HYCC2: variants seen among roughly 807,000 people sequenced by gnomAD.
HYCC2 encodes the protein hyccin PI4KA lipid kinase complex subunit 2.
the HYCC2 span, among the ~76,000 whole-genome samples, chr2:201,042,486 G>A: frequency 4.6e-5 from 7 of 150,872 alleles, no homozygotes; most frequent in African/African-American, 9.8e-5. Flanking sequence ...CCTCTGCCCC[G>A]CCGCGACCCC....
chr2:200,992,715 G>A, the HYCC2 span, among the ~76,000 whole-genome samples: 4 of 152,212 alleles, frequency 2.6e-5, no homozygotes, highest in South Asian at 4.1e-4. Context: ...GACTAGTTAT[G>A]TTATATTTTG....
chr2:201,007,763 T>A, the HYCC2 span, among the ~76,000 whole-genome samples: 7 of 152,238 alleles, frequency 4.6e-5, no homozygotes, highest in African/African-American at 1.7e-4. Context: ...TCACACTGCA[T>A]CAGTCCACAT....
the HYCC2 span, chr2:200,981,649 C>T: frequency 7.4e-6 from 12 of 1,614,030 alleles, no homozygotes; most frequent in Non-Finnish European, 9.3e-6. The surrounding 1 kb of genome is among the most constrained non-coding windows in gnomAD (Gnocchi z 4.5). Context: ...ATACTGCTTG[C>T]GAACTACTGA....
chr2:201,069,886 T>A, the HYCC2 span, among the ~76,000 whole-genome samples: 4 of 152,198 alleles, frequency 2.6e-5, no homozygotes, highest in Non-Finnish European at 4.4e-5. Context: ...TAGGTTCATA[T>A]ATAGGAATAT....
chr2:201,010,893 T>C, the HYCC2 span, among the ~76,000 whole-genome samples: 2 of 151,990 alleles, frequency 1.3e-5, no homozygotes, highest in Non-Finnish European at 2.9e-5. Flanking sequence ...ATACCTGTAA[T>C]CCCAGCACTT....
chr2:201,066,027 G>A, the HYCC2 span, among the ~76,000 whole-genome samples: 2 of 151,734 alleles, frequency 1.3e-5, no homozygotes, highest in Non-Finnish European at 1.5e-5. Flanking sequence ...GTAAAATACT[G>A]CAAATTCAAA....
the HYCC2 span, chr2:201,062,980 T>C: frequency 5.3e-6 from 7 of 1,326,500 alleles, no homozygotes; most frequent in Non-Finnish European, 7.4e-6. Context: ...TTACTATTAA[T>C]AGCAGCTAAC....
chr2:200,992,995 A>C, the HYCC2 span: 1 of 1,608,610 alleles, frequency 6.2e-7, no homozygotes, highest in East Asian at 2.2e-5. Context: ...AAAGCCACTC[A>C]CACAAACCCT....
the HYCC2 span, chr2:201,022,754 T>C: frequency 1.1e-6 from 1 of 916,102 alleles, no homozygotes; most frequent in Non-Finnish European, 1.6e-6. Flanking sequence ...AAGAAAATTA[T>C]AAAACTTAAA....
At chr2:201,053,071 G>A in the HYCC2 span, among the ~76,000 whole-genome samples, 1 of 151,978 alleles carries the variant, frequency 6.6e-6, no homozygotes, top group Non-Finnish European at 1.5e-5. Context: ...TAAGTAATGG[G>A]GACTTACTAC....
At chr2:201,046,360 G>A in the HYCC2 span, among the ~76,000 whole-genome samples, 1 of 152,140 alleles carries the variant, frequency 6.6e-6, no homozygotes, top group Non-Finnish European at 1.5e-5. Flanking sequence ...CACAGCAGCT[G>A]ACACTTTATC....
the HYCC2 span, among the ~76,000 whole-genome samples, chr2:201,014,866 T>C: frequency 6.6e-6 from 1 of 152,216 alleles, no homozygotes; most frequent in Non-Finnish European, 1.5e-5. Flanking sequence ...TCAATACCAA[T>C]GGTCCTTAAC....
At chr2:200,992,948 C>T in the HYCC2 span, 1 of 1,613,864 alleles carries the variant, frequency 6.2e-7, no homozygotes, top group Middle Eastern at 1.7e-4. Flanking sequence ...ACTATTCGAC[C>T]ACAGAGTTCT....
At chr2:201,007,331 G>A in the HYCC2 span, among the ~76,000 whole-genome samples, 65 of 152,228 alleles carry the variant, frequency 4.3e-4, 1 homozygote, top group African/African-American at 1.5e-3. Context: ...AATGTGCTCA[G>A]AACACTTACA....
At chr2:201,033,706 A>G in the HYCC2 span, among the ~76,000 whole-genome samples, 1 of 150,060 alleles carries the variant, frequency 6.7e-6, no homozygotes. Context: ...ACCCAGCCCA[A>G]TTTTTTTTGT....
At chr2:200,979,738 T>C in the HYCC2 span, 17 of 152,726 alleles carry the variant, frequency 1.1e-4, no homozygotes, top group East Asian at 3.1e-3. Context: ...CTTATAACAG[T>C]TTAAGTCACA....
the HYCC2 span, among the ~76,000 whole-genome samples, chr2:201,047,445 CAT>C: frequency 0.02 from 2,839 of 139,162 alleles, 42 homozygotes; most frequent in Middle Eastern, 0.043. Flanking sequence ...TCACAGTTCT[CAT>C]ATATATATAT....
the HYCC2 span, chr2:200,992,450 AT>A: frequency 1.0e-6 from 1 of 979,984 alleles, no homozygotes; most frequent in Non-Finnish European, 1.6e-6. Context: ...AAGTCCTGCT[AT>A]TTTGGTTGTG....
the HYCC2 span, chr2:201,016,907 T>C: frequency 4.2e-6 from 6 of 1,418,388 alleles, no homozygotes; most frequent in Non-Finnish European, 5.8e-6. Context: ...GGCCAATTTA[T>C]TTTTCTCTAA....
Sources: allele counts gnomAD v4.1 joint callset (sites outside exome capture counted in the v4.1 genomes callset), GRCh38; gene constraint gnomAD v4.1.1; non-coding constraint Gnocchi (gnomAD v3.1); transcripts MANE v1.5; gene names NCBI Gene and HGNC (gene_info 2026-07-23, HGNC 2026-07-21).